PON2: variants seen among roughly 807,000 people sequenced by gnomAD.
The protein encoded by PON2 is serum paraoxonase/arylesterase 2.
In PON2, 27 loss-of-function variants were observed where a neutral mutation model predicts 36.6. That is an observed-to-expected ratio of 0.74 (90% CI 0.54 to 1.02). PON2 has a LOEUF of 1.02. Ranked by LOEUF, PON2 falls within the 50% of genes least tolerant of loss-of-function variation. PON2 has a pLI of 0.00. For synonymous variants in PON2, 149 were observed against 156.3 expected (o/e 0.95, Z 0.35); for missense variants, 363 against 421.1 (o/e 0.86, Z 1.21).
rs746994357 is a variant in PON2 at position 95,407,036 on chromosome 7, T to G, written c.728A>C (p.Glu243Ala). 15 of 1,597,770 alleles carry G rather than the reference T, an allele frequency of 9.4e-6. No homozygotes were observed. Among genetic ancestry groups the G allele is most frequent in the Admixed American group, 3.3e-5 (2 of 59,872 alleles). ...YIYVADILAH[E>A]IHVLEKHTNM... Reference sequence around the variant, plus strand: ...AGTGTGTTTTTCCAAAACATGAATTTCATGAGCCAATATGTCAGCAACATA... The same window carrying G: ...AGTGTGTTTTTCCAAAACATGAATTGCATGAGCCAATATGTCAGCAACATA... The change falls in exon 7 of 9, where the codon GAA (glutamate) becomes GCA (alanine). Residue 243 changes from glutamate to alanine, a missense_variant. Coordinates refer to ENST00000222572, the MANE Select transcript of PON2 (RefSeq NM_000305.3).
At chr7:95,420,559 GATTT>G (rs1424273271) in intron 2 of PON2, among the ~76,000 whole-genome samples, 13 of 152,186 alleles carry the variant, frequency 8.5e-5, no homozygotes, top group Admixed American at 1.3e-4. Context: ...CAATAACTAT[GATTT>G]ATTAAAGCAG....
At chr7:95,410,259 T>G (rs1039433909) in intron 5 of PON2, among the ~76,000 whole-genome samples, 158 bp from the exon 6 acceptor site, 1 of 152,226 alleles carries the variant, frequency 6.6e-6, no homozygotes, top group Non-Finnish European at 1.5e-5. Flanking sequence ...TACAATATAC[T>G]ATAATATTGT....
chr7:95,422,830 A>T (rs1250368290), intron 2 of PON2, among the ~76,000 whole-genome samples: 1 of 152,202 alleles, frequency 6.6e-6, no homozygotes, highest in East Asian at 1.9e-4. Context: ...TGTGGCTCTC[A>T]GAGTAAGATT....
At chr7:95,407,196 A>G in intron 6 of PON2, 128 bp from the exon 7 acceptor site, 2 of 588,122 alleles carry the variant, frequency 3.4e-6, no homozygotes, top group South Asian at 2.5e-5. Flanking sequence ...GGAATGCTTG[A>G]TAAAGGTCAA....
At chr7:95,412,710 A>G in intron 3 of PON2, 1 of 530,454 alleles carries the variant, frequency 1.9e-6, no homozygotes, top group African/African-American at 1.9e-5. Context: ...TTCAGAGAGT[A>G]ATCAGAAGGT....
chr7:95,427,359 G>A lies in PON2; in HGVS notation c.75-2774C>T, dbSNP rs560458263. Reference sequence around the variant, plus strand: ...CAACCCCCTTTCTTTCTCCCTTGTCGTTTCTATTGTAGTGGTGGGCAAAGC... The same window carrying A: ...CAACCCCCTTTCTTTCTCCCTTGTCATTTCTATTGTAGTGGTGGGCAAAGC... On this transcript the variant is annotated intron_variant, in intron 1 of 8. Coordinates refer to ENST00000222572, the MANE Select transcript of PON2 (RefSeq NM_000305.3). Among the ~76,000 whole-genome samples, 148 of 152,086 alleles carry A rather than the reference G, an allele frequency of 9.7e-4. 1 individual carries two copies. The highest frequency in any genetic ancestry group is 3.3e-3 in the African/African-American group (135 of 41,474).
chr7:95,420,601 C>T (rs1270172147), intron 2 of PON2, among the ~76,000 whole-genome samples: 1 of 152,108 alleles, frequency 6.6e-6, no homozygotes, highest in African/African-American at 2.4e-5. Flanking sequence ...ATATATAAAG[C>T]ACCCAAAAGT....
Position 95,416,449 on chromosome 7 carries a change from G to C in PON2, c.146-152C>G. On this transcript the variant is annotated intron_variant, in intron 2 of 8. Transcript: ENST00000222572. Reference sequence around the variant, plus strand: ...CAAGGAACCATTCTTTTTAATAAATGTCAGTTTAAACCCCTTCCTGAAGTG... The same window carrying C: ...CAAGGAACCATTCTTTTTAATAAATCTCAGTTTAAACCCCTTCCTGAAGTG... 4.6e-6 allele frequency: 4 copies of C among 872,596 alleles called. No homozygotes were observed. The South Asian group carries it at 6.1e-5, about 13-fold the overall frequency. 54.1% of individuals were successfully genotyped at this position (872,596 alleles called of 1,614,324 possible).
At chr7:95,415,216 T>A (rs1789033267) in intron 3 of PON2, 1 of 152,350 alleles carries the variant, frequency 6.6e-6, no homozygotes, top group South Asian at 2.1e-4. Context: ...CAAGAACTCC[T>A]ATGTCTGCCC....
intron 1 of PON2, among the ~76,000 whole-genome samples, chr7:95,425,084 A>C (rs1789284972): frequency 6.6e-6 from 1 of 152,206 alleles, no homozygotes; most frequent in Non-Finnish European, 1.5e-5. Context: ...TACTAACAAA[A>C]AAGAAAAGAA....
chr7:95,429,570 G>A (rs1450211977), intron 1 of PON2, among the ~76,000 whole-genome samples: 1 of 152,208 alleles, frequency 6.6e-6, no homozygotes, highest in East Asian at 1.9e-4. Flanking sequence ...AGAGTAGAAT[G>A]AGACCAGGGG....
intron 2 of PON2, 86 bp downstream of exon 2, chr7:95,424,428 AT>A: frequency 9.0e-7 from 1 of 1,107,440 alleles, no homozygotes; most frequent in African/African-American, 1.5e-5. Context: ...AAAAGCAGTA[AT>A]TTCATGCTAA....
chr7:95,415,134 A>G (rs1397535622), intron 3 of PON2: 1 of 152,224 alleles, frequency 6.6e-6, no homozygotes, highest in Non-Finnish European at 1.5e-5. Flanking sequence ...GTTGAGAGGA[A>G]ATGGAATAAT....
chr7:95,434,934 A>G lies in PON2; in HGVS notation c.18T>C (p.Ala6=), dbSNP rs1789530639. The change falls in exon 1 of 9, where the codon GCT becomes GCC. Residue 6 remains alanine, a synonymous_variant. Transcript: ENST00000222572. The stretch of plus-strand genomic sequence containing the variant: ...CCAGCGCGATCCCCAGCAAGCCCAC[A>G]GCCACCAGCCGCCCCATGGCGCGGG... MGRLV[A]VGLLGIALAL... 5.2e-6 allele frequency: 8 copies of G among 1,532,792 alleles called. No homozygotes were observed. Among genetic ancestry groups the G allele is most frequent in the Non-Finnish European group, 6.1e-6 (7 of 1,143,134 alleles). 94.9% of individuals were successfully genotyped at this position (1,532,792 alleles called of 1,614,324 possible). A position where few individuals can be genotyped will look rare whatever the true frequency, so the allele number is the denominator to read the frequency against.
intron 4 of PON2, 92 bp from the exon 5 acceptor site, chr7:95,411,871 GGTT>G: frequency 7.4e-7 from 1 of 1,360,126 alleles, no homozygotes. Flanking sequence ...GGCAAGGAAA[GGTT>G]GAATGTATAA....
chr7:95,424,336 G>A, intron 2 of PON2, 179 bp downstream of exon 2: 1 of 618,304 alleles, frequency 1.6e-6, no homozygotes, highest in Admixed American at 2.8e-5. Context: ...GTGAGGGTAG[G>A]AAAGAAGAAT....
rs931872277 is a variant in PON2, at chr7:95,407,054, G to A, written c.710C>T (p.Ala237Val). ...ISPDDKYIYV[A>V]DILAHEIHVL... ...ATGAATTTCATGAGCCAATATGTCA[G>A]CAACATAGATATACCTTTGCAGAAA... Residue 237 changes from alanine (A) to valine (V), a missense_variant, in exon 7 of 9, where the codon GCT (alanine) becomes GTT (valine). By Grantham distance (64) the Ala-to-Val change is moderately conservative (BLOSUM62 0). Transcript: ENST00000222572. The A allele has an allele frequency of 6.9e-6, 11 of 1,594,036 alleles. No individual in the cohort carries two copies. Among genetic ancestry groups the A allele is most frequent in the African/African-American group, 1.3e-5 (1 of 74,430 alleles).
intron 2 of PON2, among the ~76,000 whole-genome samples, chr7:95,420,767 C>G (rs1789173623): frequency 1.3e-5 from 2 of 152,138 alleles, no homozygotes; most frequent in Admixed American, 6.5e-5. Context: ...GTTTTCAAAA[C>G]AGAAAATAAG....
At chr7:95,419,701 G>GA (rs149747685) in intron 2 of PON2, among the ~76,000 whole-genome samples, 3 of 151,224 alleles carry the variant, frequency 2.0e-5, no homozygotes, top group Non-Finnish European at 3.0e-5. Flanking sequence ...CTACTGGGTA[G>GA]AAAAAAAAAT....
Sources: gnomAD v4.1 joint callset for allele counts (sites outside exome capture counted in the v4.1 genomes callset) on GRCh38, gnomAD v4.1.1 for gene constraint, MANE v1.5 for transcripts, NCBI Gene and HGNC (gene_info 2026-07-23, HGNC 2026-07-21) for gene names.